UTP20: variants seen among roughly 807,000 people sequenced by gnomAD.
The protein encoded by UTP20 is UTP20 small subunit processome component.
A neutral mutation model predicts 329.5 loss-of-function variants in UTP20; 164 were observed. That is an observed-to-expected ratio of 0.50 (90% CI 0.44 to 0.57). UTP20 has a LOEUF of 0.57. Ranked by LOEUF, UTP20 falls within the 20% of genes least tolerant of loss-of-function variation. The pLI, the probability that UTP20 is intolerant of heterozygous loss-of-function variation, is 0.00. For missense variants in UTP20, 3,055 were observed against 3,284.2 expected (o/e 0.93, Z 1.71); for synonymous variants, 1,151 against 1,159.3 (o/e 0.99, Z 0.14).
In UTP20 at chr12:101,290,146, A is replaced by G; in HGVS notation, c.607A>G (p.Lys203Glu). 1 of 1,583,210 alleles carries G rather than the reference A, an allele frequency of 6.3e-7. No individual in the cohort carries two copies. Among genetic ancestry groups the G allele is most frequent in the Non-Finnish European group, 8.6e-7 (1 of 1,159,626 alleles). ...FTFLMRKVSD[K>E]NALFNLMFLD... The stretch of plus-strand genomic sequence containing the variant: ...CTACTTTATATTTTAGGTCTCTGAT[A>G]AAAACGCACTTTTCAATTTAATGTT... Residue 203 changes from lysine to glutamate, a missense_variant, in exon 7 of 62, where the codon AAA (lysine) becomes GAA (glutamate). By Grantham distance (56) the Lys-to-Glu change is moderately conservative. Transcript: ENST00000261637.
rs1870797463 is a variant in UTP20 at position 101,385,569 on chromosome 12, T to C, written c.8057-14T>C. On this transcript the variant is annotated splice_polypyrimidine_tract_variant and intron_variant, in intron 60 of 61. Transcript: ENST00000261637. ...CCTACCTGTCTCTGATCATTACTCT[T>C]TGTGTGTGATTAGATCCTTTGCTGA... 1 of 1,605,258 alleles carries C rather than the reference T, an allele frequency of 6.2e-7. No homozygotes were observed. The highest frequency in any genetic ancestry group is 8.5e-7 in the Non-Finnish European group (1 of 1,178,238).
At chr12:101,291,033 C>A in intron 8 of UTP20, 145 bp downstream of exon 8, 2 of 740,970 alleles carry the variant, frequency 2.7e-6, no homozygotes, top group Non-Finnish European at 2.0e-6. Flanking sequence ...AATTTTCCTT[C>A]CCTCTGCCCC....
At position 101,365,614 on chromosome 12, in the gene UTP20, A is replaced by T. The variant is rs148148456; in HGVS notation, c.6114A>T (p.Thr2038=). Residue 2038 remains threonine, a synonymous_variant, in exon 46 of 62, where the codon ACA becomes ACT. Transcript: ENST00000261637. The stretch of plus-strand genomic sequence containing the variant: ...TCAGTGAAAATCTTCCCCTGTTAAC[A>T]GAGAAAGAAAAGTAAGTTGGAAAAA... ...GLISENLPLL[T]EKEKNPVAPA... is the part of the protein sequence containing the mutation. The T allele has an allele frequency of 1.5e-4, 237 of 1,563,626 alleles. No homozygotes were observed. In the African/African-American group the frequency reaches 3.1e-3, roughly 20 times the overall value.
At position 101,353,109 on chromosome 12, in the gene UTP20, G is replaced by T; in HGVS notation, c.5087G>T (p.Gly1696Val). The change falls in exon 40 of 62, where the codon GGA (glycine) becomes GTA (valine). Residue 1696 changes from glycine (G) to valine (V), a missense_variant. By Grantham distance (109) the Gly-to-Val change is moderately radical. Around this residue, in one of 3 missense-constraint regions of UTP20, gnomAD observed 2,445 missense variants for 2,575.5 expected, o/e 0.95. Transcript: ENST00000261637. ...FDHKTLEEQMGKIENEENAIE... is the reference protein window; with the variant it reads ...FDHKTLEEQMVKIENEENAIE... ...CACAAAACTCTTGAAGAACAAATGGGAAAAATTGAGAATGAAGAAAGTAAG... is the reference window on the plus strand; with the variant it reads ...CACAAAACTCTTGAAGAACAAATGGTAAAAATTGAGAATGAAGAAAGTAAG... 1 of 1,595,610 alleles carries T rather than the reference G, an allele frequency of 6.3e-7. No individual in the cohort carries two copies. Among genetic ancestry groups the T allele is most frequent in the African/African-American group, 1.3e-5 (1 of 74,682 alleles).
rs1871969157 is a variant in UTP20, at chr12:101,286,614, CA to C, written c.515+106del. 4.2e-6 allele frequency: 4 copies of C among 959,674 alleles called. No homozygotes were observed. In the East Asian group the frequency reaches 1.1e-4, roughly 26 times the overall value. The allele number at this position is 959,674 out of a possible 1,614,324, so 59.4% of individuals were successfully genotyped here. A position where few individuals can be genotyped will look rare whatever the true frequency, so the allele number is the denominator to read the frequency against. On this transcript the variant is annotated intron_variant, in intron 5 of 61. Transcript: ENST00000261637. ...TGCCAGCTCAGTGCCTAATTGTTTC[CA>C]TGTACAAAGTTGATTCTCCAGCCAA...
intron 35 of UTP20, among the ~76,000 whole-genome samples, chr12:101,343,754 C>T (rs1282756578): frequency 2.6e-5 from 4 of 152,150 alleles, no homozygotes; most frequent in Non-Finnish European, 5.9e-5. Flanking sequence ...TCAGGCGATC[C>T]GCCCATCTTG....
intron 48 of UTP20, among the ~76,000 whole-genome samples, chr12:101,368,675 C>G (rs984128580): frequency 7.2e-5 from 11 of 152,198 alleles, no homozygotes; most frequent in East Asian, 1.9e-4. Context: ...TGCTATGAAT[C>G]CCAAGAACAT....
intron 21 of UTP20, 112 bp from the exon 22 acceptor site, chr12:101,317,366 C>T (rs761569625): frequency 8.5e-7 from 1 of 1,176,616 alleles, no homozygotes; most frequent in Non-Finnish European, 1.2e-6. Context: ...ACCACTATGT[C>T]TCTTCAGTGT....
Position 101,361,666 on chromosome 12 carries a change from A to C in UTP20, c.5692-296A>C, listed in dbSNP as rs200354686. On this transcript the variant is annotated intron_variant, in intron 43 of 61. Coordinates refer to ENST00000261637, the MANE Select transcript of UTP20 (RefSeq NM_014503.3). The stretch of plus-strand genomic sequence containing the variant: ...AAATAAATAAATAAATAAATAAATA[A>C]ATAAATAAATAAAGTTCAAGACTCT... Among the ~76,000 whole-genome samples, 1,479 of 110,954 alleles carry C rather than the reference A, an allele frequency of 0.013. 22 individuals carry two copies. In the East Asian group the frequency reaches 0.15, roughly 11 times the overall value. The allele number at this position is 110,954 out of a possible 152,430, so 72.8% of individuals were successfully genotyped here. A position where few individuals can be genotyped will look rare whatever the true frequency, so the allele number is the denominator to read the frequency against.
intron 14 of UTP20, among the ~76,000 whole-genome samples, chr12:101,300,310 A>T (rs938739126): frequency 1.3e-5 from 2 of 152,158 alleles, no homozygotes; most frequent in African/African-American, 4.8e-5. Context: ...TTAGAAGGCC[A>T]TTTGTTTTTG....
At chr12:101,328,096 T>G (rs1868630132) in intron 26 of UTP20, among the ~76,000 whole-genome samples, 1 of 152,218 alleles carries the variant, frequency 6.6e-6, no homozygotes, top group African/African-American at 2.4e-5. Context: ...ACATAGAGAA[T>G]TATTTATAGG....
At chr12:101,340,491 G>A (rs1025952786) in intron 31 of UTP20, 32 bp from the exon 32 acceptor site, 3 of 1,357,080 alleles carry the variant, frequency 2.2e-6, no homozygotes, top group African/African-American at 2.9e-5. Context: ...CCTTGTATAT[G>A]TTCCTTATAT....
intron 52 of UTP20, 76 bp downstream of exon 52, chr12:101,373,039 A>G: frequency 1.6e-6 from 2 of 1,222,124 alleles, no homozygotes. Context: ...CTGTCTTAAA[A>G]AGGATGGGGC....
intron 21 of UTP20, among the ~76,000 whole-genome samples, chr12:101,314,416 T>G (rs1467134915): frequency 6.6e-6 from 1 of 152,114 alleles, no homozygotes; most frequent in African/African-American, 2.4e-5. Flanking sequence ...CCCAGCACTT[T>G]GGGAGGCCGA....
chr12:101,285,458 C>G, intron 2 of UTP20, 112 bp from the exon 3 acceptor site: 1 of 1,194,200 alleles, frequency 8.4e-7, no homozygotes, highest in South Asian at 1.5e-5. Flanking sequence ...AAAAGGAGTT[C>G]TTAAACTCTT....
At chr12:101,302,956 A>G (rs1474080549) in intron 15 of UTP20, among the ~76,000 whole-genome samples, 1 of 152,140 alleles carries the variant, frequency 6.6e-6, no homozygotes, top group Non-Finnish European at 1.5e-5. Flanking sequence ...TCTTTTTACT[A>G]CACACTGAAA....
intron 48 of UTP20, among the ~76,000 whole-genome samples, chr12:101,368,840 A>G (rs1870184693): frequency 6.6e-6 from 1 of 152,188 alleles, no homozygotes; most frequent in Non-Finnish European, 1.5e-5. Context: ...ACAGGTAATC[A>G]GTTGCAGAGC....
chr12:101,323,219 G>A, intron 25 of UTP20, among the ~76,000 whole-genome samples: 1 of 152,106 alleles, frequency 6.6e-6, no homozygotes, highest in Non-Finnish European at 1.5e-5. Flanking sequence ...TACTTGTGTT[G>A]AGCATTTTGC....
At chr12:101,326,483 G>A (rs2137264462) in intron 25 of UTP20, among the ~76,000 whole-genome samples, 1 of 151,292 alleles carries the variant, frequency 6.6e-6, no homozygotes, top group Middle Eastern at 3.4e-3. Context: ...ATAAGTATCG[G>A]TCTCTGTGGG....
Sources: allele counts gnomAD v4.1 joint callset (sites outside exome capture counted in the v4.1 genomes callset), GRCh38; gene constraint gnomAD v4.1.1; regional missense constraint gnomAD v4.1.1; transcripts MANE v1.5; gene names NCBI Gene and HGNC (gene_info 2026-07-23, HGNC 2026-07-21).